The following CD2AP variants were observed in gnomAD, a reference collection of about 807,000 sequenced individuals.
CD2AP encodes the protein CD2 associated protein, also known as CD2-associated protein.
In CD2AP, 46 loss-of-function variants were observed where a neutral mutation model predicts 85.1. The observed-to-expected ratio is 0.54, with a 90% CI of 0.43 to 0.69. The LOEUF (loss-of-function observed/expected upper bound fraction) is 0.69, where lower values mean the gene tolerates loss of function less well. CD2AP is among the 30% of genes least tolerant of loss of function. The pLI, the probability that CD2AP is intolerant of heterozygous loss-of-function variation, is 0.00. For synonymous variants in CD2AP, 255 were observed against 252.9 expected (o/e 1.01, Z -0.08); for missense variants, 769 against 729.5 (o/e 1.05, Z -0.62).
At chr6:47,521,757 TGTAATCCCAG>T (rs1766603401) in intron 2 of CD2AP, among the ~76,000 whole-genome samples, 1 of 152,206 alleles carries the variant, frequency 6.6e-6, no homozygotes, top group Non-Finnish European at 1.5e-5. Flanking sequence ...CTCTCACGCC[TGTAATCCCAG>T]CACTTTGGGA....
At chr6:47,569,653 A>G (rs1476674153) in intron 5 of CD2AP, among the ~76,000 whole-genome samples, 1 of 151,870 alleles carries the variant, frequency 6.6e-6, no homozygotes, top group African/African-American at 2.4e-5. Flanking sequence ...GAGTCAGCTG[A>G]AGTTTTATTT....
rs897404056 is a variant in CD2AP at position 47,625,106 on chromosome 6, G to A, written c.*879G>A. On this transcript the variant is annotated 3_prime_UTR_variant, in exon 18 of 18. Transcript: ENST00000359314. Reference sequence around the variant, plus strand: ...AATATGTAAACACCAGCCTGTTGCTGTACTTTTCTGCTTATTTTACAGCCT... The same window carrying A: ...AATATGTAAACACCAGCCTGTTGCTATACTTTTCTGCTTATTTTACAGCCT... 1 of 151,800 alleles carries A rather than the reference G, an allele frequency of 6.6e-6. No homozygotes were observed. Among genetic ancestry groups the A allele is most frequent in the Non-Finnish European group, 1.5e-5 (1 of 67,766 alleles). The allele number at this position is 151,800 out of a possible 1,614,324, so 9.4% of individuals were successfully genotyped here.
At position 47,599,636 on chromosome 6, in the gene CD2AP, T is replaced by C. The variant is rs144963139; in HGVS notation, c.1417+193T>C. ...AGATAAGTAAAATTTTTATGGTCCTTACTGATCAGACTTTATGGTTTCTTA... is the reference window on the plus strand; with the variant it reads ...AGATAAGTAAAATTTTTATGGTCCTCACTGATCAGACTTTATGGTTTCTTA... On this transcript the variant is annotated intron_variant, in intron 13 of 17. Coordinates refer to ENST00000359314, the MANE Select transcript of CD2AP (RefSeq NM_012120.3). 2.0e-5 allele frequency among the ~76,000 whole-genome samples: 3 copies of C among 152,178 alleles called. No individual in the cohort carries two copies. The East Asian group carries it at 5.8e-4, about 29-fold the overall frequency.
intron 2 of CD2AP, among the ~76,000 whole-genome samples, chr6:47,510,297 T>A (rs761734055): frequency 6.6e-5 from 10 of 152,222 alleles, no homozygotes; most frequent in Non-Finnish European, 1.5e-4. Context: ...CTCTTATTGC[T>A]GAGAGGGCCT....
intron 4 of CD2AP, among the ~76,000 whole-genome samples, chr6:47,552,643 A>C (rs1048489810): frequency 6.6e-6 from 1 of 152,008 alleles, no homozygotes; most frequent in Non-Finnish European, 1.5e-5. Flanking sequence ...CCACTGTACT[A>C]CTCTGCCTCC....
chr6:47,585,154 C>A (rs541838328), intron 11 of CD2AP, among the ~76,000 whole-genome samples: 11 of 150,640 alleles, frequency 7.3e-5, no homozygotes, highest in East Asian at 3.9e-4. Flanking sequence ...AAAAAAAAAA[C>A]CAGCTGGGTG....
At chr6:47,494,135 T>A (rs922433665) in intron 1 of CD2AP, among the ~76,000 whole-genome samples, 17 of 152,202 alleles carry the variant, frequency 1.1e-4, no homozygotes, top group Admixed American at 1.0e-3. Context: ...TTTTGAAGGC[T>A]GGATATGTCA....
At chr6:47,493,155 A>G (rs1178420536) in intron 1 of CD2AP, among the ~76,000 whole-genome samples, 4 of 152,014 alleles carry the variant, frequency 2.6e-5, no homozygotes, top group South Asian at 2.1e-4. Context: ...TTTTATCTTC[A>G]TTTATTCCTT....
intron 2 of CD2AP, among the ~76,000 whole-genome samples, chr6:47,526,922 G>C (rs1031401747): frequency 6.6e-6 from 1 of 152,094 alleles, no homozygotes; most frequent in African/African-American, 2.4e-5. Context: ...TTATTAGTAT[G>C]AAAAATACTT....
chr6:47,523,958 G>A (rs1379354635), intron 2 of CD2AP, among the ~76,000 whole-genome samples: 1 of 152,066 alleles, frequency 6.6e-6, no homozygotes, highest in Admixed American at 6.6e-5. Flanking sequence ...TTTCTTCCAT[G>A]TTTAGAAATT....
intron 2 of CD2AP, among the ~76,000 whole-genome samples, chr6:47,521,471 G>T (rs1489935300): frequency 1.3e-5 from 2 of 152,250 alleles, no homozygotes; most frequent in Admixed American, 1.3e-4. Flanking sequence ...AGAAGTGCTT[G>T]AACCCGGGAG....
intron 2 of CD2AP, among the ~76,000 whole-genome samples, chr6:47,528,783 C>T (rs1766794060): frequency 1.3e-5 from 2 of 152,022 alleles, no homozygotes; most frequent in South Asian, 2.1e-4. Flanking sequence ...TTTTTTGTGC[C>T]GGAATAGGGA....
chr6:47,554,816 C>T (rs1341416860), intron 5 of CD2AP, 50 bp downstream of exon 5: 4 of 1,467,056 alleles, frequency 2.7e-6, no homozygotes, highest in Admixed American at 4.0e-5. Flanking sequence ...CTTTATATAG[C>T]ATCTAGTGTT....
intron 1 of CD2AP, among the ~76,000 whole-genome samples, chr6:47,499,540 A>G (rs948394268): frequency 1.3e-5 from 2 of 152,040 alleles, no homozygotes; most frequent in Non-Finnish European, 2.9e-5. Context: ...TTACAGTTTG[A>G]TTAGTCTTCC....
intron 11 of CD2AP, among the ~76,000 whole-genome samples, chr6:47,586,329 T>C (rs906607634): frequency 3.9e-5 from 6 of 152,060 alleles, no homozygotes; most frequent in Admixed American, 6.6e-5. Context: ...AAAATGTTAG[T>C]GAACTTGAAG....
chr6:47,522,991 T>TGACTGTTGTTATTCCAGTTTTC (rs1409511792), intron 2 of CD2AP, among the ~76,000 whole-genome samples: 8 of 152,072 alleles, frequency 5.3e-5, no homozygotes, highest in African/African-American at 1.9e-4. Context: ...ATTTAGTTTT[T>TGACTGTTGTTATTCCAGTTTTC]GACTGTTGTT....
At chr6:47,562,369 T>C (rs1369141865) in intron 5 of CD2AP, among the ~76,000 whole-genome samples, 1 of 152,220 alleles carries the variant, frequency 6.6e-6, no homozygotes, top group Non-Finnish European at 1.5e-5. Context: ...CCAGTAATTG[T>C]TCTACAAAGT....
intron 4 of CD2AP, among the ~76,000 whole-genome samples, chr6:47,548,182 A>T (rs2114051597): frequency 6.6e-6 from 1 of 152,318 alleles, no homozygotes; most frequent in Admixed American, 6.5e-5. Context: ...AACTCGGCAG[A>T]AGAAAGGAAA....
intron 5 of CD2AP, among the ~76,000 whole-genome samples, chr6:47,568,984 A>G (rs1295991512): frequency 6.6e-6 from 1 of 152,150 alleles, no homozygotes; most frequent in Non-Finnish European, 1.5e-5. Flanking sequence ...GAGGCAGGGC[A>G]ATAGTGTCAG....
Sources: allele counts gnomAD v4.1 joint callset (sites outside exome capture counted in the v4.1 genomes callset), GRCh38; gene constraint gnomAD v4.1.1; transcripts MANE v1.5; gene names NCBI Gene and HGNC (gene_info 2026-07-23, HGNC 2026-07-21).